The following HPSE2 variants were observed in gnomAD, a reference collection of about 807,000 sequenced individuals.
HPSE2 encodes the protein inactive heparanase-2.
A neutral mutation model predicts 60.5 loss-of-function variants in HPSE2; 38 were observed. That is an observed-to-expected ratio of 0.63 (90% CI 0.48 to 0.82). HPSE2 has a LOEUF of 0.82. Among genes scored for constraint, HPSE2 ranks in the 40% least tolerant of loss-of-function variants. HPSE2 has a pLI of 0.00. For missense variants in HPSE2, 713 were observed against 740.4 expected, an observed-to-expected ratio of 0.96 and a Z score of 0.43; for synonymous variants, 295 against 293.2, an observed-to-expected ratio of 1.01 and a Z score of -0.06.
At chr10:99,083,284 G>A (rs1310650383) in intron 3 of HPSE2, among the ~76,000 whole-genome samples, 1 of 152,172 alleles carries the variant, frequency 6.6e-6, no homozygotes, top group African/African-American at 2.4e-5. Context: ...GGCAAAGGCT[G>A]TCAAAAGAGA....
chr10:98,591,812 A>T (rs1945099025), intron 9 of HPSE2, among the ~76,000 whole-genome samples: 1 of 152,190 alleles, frequency 6.6e-6, no homozygotes, highest in Non-Finnish European at 1.5e-5. Context: ...ATTTCAATGT[A>T]TCAGCGCACG....
rs201993911 is a variant in HPSE2, at chr10:99,108,603, C to T, written c.610+35635G>A. On this transcript the variant is annotated intron_variant, in intron 3 of 11. Transcript: ENST00000370552. ...CCCTGCCTAAAGTTTATTCATTACTCTATAACGAGACCATATTAGCAACTA... is the reference window on the plus strand; with the variant it reads ...CCCTGCCTAAAGTTTATTCATTACTTTATAACGAGACCATATTAGCAACTA... Among the ~76,000 whole-genome samples the T allele has an allele frequency of 1.1e-4, 17 of 152,224 alleles. No homozygotes were observed. The East Asian group carries it at 3.3e-3, about 29-fold the overall frequency.
intron 3 of HPSE2, among the ~76,000 whole-genome samples, chr10:99,063,702 CACAG>C (rs1253876003): frequency 6.6e-6 from 1 of 152,160 alleles, no homozygotes; most frequent in African/African-American, 2.4e-5. Flanking sequence ...AATGCCTATA[CACAG>C]ACATTTTATA....
intron 3 of HPSE2, among the ~76,000 whole-genome samples, chr10:99,142,060 G>C (rs533573881): frequency 6.6e-6 from 1 of 152,086 alleles, no homozygotes; most frequent in Admixed American, 6.6e-5. Flanking sequence ...CATTGTGTTC[G>C]CACATAAATA....
At chr10:99,153,116 C>G (rs987701916) in intron 2 of HPSE2, among the ~76,000 whole-genome samples, 1 of 152,348 alleles carries the variant, frequency 6.6e-6, no homozygotes, top group East Asian at 1.9e-4. Flanking sequence ...CACGGAGTCT[C>G]GCTGATTGCT....
intron 5 of HPSE2, among the ~76,000 whole-genome samples, chr10:98,717,988 T>C (rs1460636828): frequency 6.6e-6 from 1 of 152,142 alleles, no homozygotes; most frequent in African/African-American, 2.4e-5. Flanking sequence ...GACTAGGATT[T>C]CTATTTTGTA....
At position 98,546,130 on chromosome 10, in the gene HPSE2, G is replaced by C. The variant is rs71486164; in HGVS notation, c.1321-55934C>G. ...AGGACCTCTTCAAGGAGAACTACAA[G>C]CCACTGCTCAATGAAATAAAAGAGG... On this transcript the variant is annotated intron_variant, in intron 9 of 11. Coordinates refer to ENST00000370552, the MANE Select transcript of HPSE2 (RefSeq NM_021828.5). Among the ~76,000 whole-genome samples the C allele has an allele frequency of 1.5e-5, 2 of 133,096 alleles. 1 individual carries two copies. Among genetic ancestry groups the C allele is most frequent in the Non-Finnish European group, 3.4e-5 (2 of 58,870 alleles). 87.3% of individuals were successfully genotyped at this position (133,096 alleles called of 152,430 possible).
intron 2 of HPSE2, among the ~76,000 whole-genome samples, chr10:99,178,847 G>A (rs986236668): frequency 1.2e-4 from 19 of 152,266 alleles, no homozygotes; most frequent in African/African-American, 4.6e-4. Flanking sequence ...TATCCCTGAT[G>A]AACATCGATG....
intron 5 of HPSE2, among the ~76,000 whole-genome samples, chr10:98,720,333 C>G (rs1948891891): frequency 6.6e-6 from 1 of 151,724 alleles, no homozygotes; most frequent in Admixed American, 6.6e-5. Flanking sequence ...GTGTTACTAA[C>G]CAAATTTGGG....
In HPSE2 at chr10:99,115,754, TA is replaced by T. The variant is rs1339570619; in HGVS notation, c.610+28483del. ...TGAATCTAATGAAAAATTGAGCTGG[TA>T]AAAAAAAGTATTCACTTATGTGATG... On this transcript the variant is annotated intron_variant, in intron 3 of 11. Coordinates refer to ENST00000370552, the MANE Select transcript of HPSE2 (RefSeq NM_021828.5). 3.3e-5 allele frequency among the ~76,000 whole-genome samples: 5 copies of T among 152,136 alleles called. No individual in the cohort carries two copies. The South Asian group carries it at 8.3e-4, about 25-fold the overall frequency.
chr10:99,151,435 A>T (rs1846258717), intron 2 of HPSE2, among the ~76,000 whole-genome samples: 1 of 152,182 alleles, frequency 6.6e-6, no homozygotes, highest in Non-Finnish European at 1.5e-5. Context: ...GTTTGAAGAC[A>T]TGATGACCAA....
intron 2 of HPSE2, among the ~76,000 whole-genome samples, chr10:99,153,291 T>A (rs1290186100): frequency 1.3e-5 from 2 of 152,154 alleles, no homozygotes; most frequent in African/African-American, 4.8e-5. Flanking sequence ...GCTCCACCTC[T>A]GGGGGCAGGG....
At chr10:98,522,102 G>T (rs930438192) in intron 9 of HPSE2, among the ~76,000 whole-genome samples, 2 of 151,550 alleles carry the variant, frequency 1.3e-5, no homozygotes, top group Non-Finnish European at 2.9e-5. Flanking sequence ...CCTGCATGTT[G>T]TGCACATGTA....
At chr10:98,944,090 G>A (rs903781287) in intron 3 of HPSE2, among the ~76,000 whole-genome samples, 1 of 152,166 alleles carries the variant, frequency 6.6e-6, no homozygotes, top group East Asian at 1.9e-4. Context: ...GCAGCTAGAG[G>A]TACAGGGAAG....
At chr10:99,136,202 C>A (rs568691766) in intron 3 of HPSE2, among the ~76,000 whole-genome samples, 2 of 152,244 alleles carry the variant, frequency 1.3e-5, no homozygotes, top group South Asian at 4.1e-4. Context: ...GAAGTCGAAT[C>A]TCTGAAAAAA....
rs1321282276 is a variant in HPSE2 at position 98,688,472 on chromosome 10, TTTTTC to T, written c.1004+5423_1004+5427del. 3.2e-4 allele frequency among the ~76,000 whole-genome samples: 40 copies of T among 126,216 alleles called. 2 individuals are homozygous for T. Among genetic ancestry groups the T allele is most frequent in the East Asian group, 9.7e-4 (4 of 4,112 alleles). The allele number at this position is 126,216 out of a possible 152,430, so 82.8% of individuals were successfully genotyped here. ...GAATTTCCTTTAGCATTTCTTTTTT[TTTTTC>T]TTTTTTTTTTTTTTTTGAGGCAGAA... On this transcript the variant is annotated intron_variant, in intron 6 of 11. Coordinates refer to ENST00000370552, the MANE Select transcript of HPSE2 (RefSeq NM_021828.5).
chr10:98,868,072 A>G (rs1023564894), intron 3 of HPSE2, among the ~76,000 whole-genome samples: 2 of 116,548 alleles, frequency 1.7e-5, no homozygotes, highest in Non-Finnish European at 3.4e-5. Flanking sequence ...AAAAAAAGAA[A>G]GAAAGAAAAT....
the HPSE2 span, among the ~76,000 whole-genome samples, chr10:99,291,186 A>G: frequency 1.3e-5 from 2 of 152,178 alleles, no homozygotes; most frequent in Non-Finnish European, 2.9e-5. Flanking sequence ...TTAGCACACA[A>G]GGCCACAGGG....
intron 4 of HPSE2, among the ~76,000 whole-genome samples, chr10:98,730,300 T>C (rs1419683907): frequency 1.3e-5 from 2 of 151,264 alleles, no homozygotes; most frequent in African/African-American, 2.4e-5. Flanking sequence ...ATAAAATACA[T>C]AAAAAGATAT....
Sources: gnomAD v4.1 joint callset for allele counts (sites outside exome capture counted in the v4.1 genomes callset) on GRCh38, gnomAD v4.1.1 for gene constraint, MANE v1.5 for transcripts, NCBI Gene and HGNC (gene_info 2026-07-23, HGNC 2026-07-21) for gene names.